DST: variants seen among roughly 807,000 people sequenced by gnomAD.
The protein encoded by DST is bullous pemphigoid antigen.
A neutral mutation model predicts 875.2 loss-of-function variants in DST; 253 were observed. The ratio of observed to expected loss-of-function variants is 0.29; its 90% CI spans 0.26 to 0.32. The LOEUF is 0.32. Ranked by LOEUF, DST falls within the 10% of genes least tolerant of loss-of-function variation. The probability of loss-of-function intolerance (pLI) is 1.00; values close to 1 mark genes in which losing one functional copy is unlikely to be tolerated. For synonymous variants in DST, 3,124 were observed against 3,197.1 expected (o/e 0.98, Z 0.77); for missense variants, 8,287 against 9,111.6 (o/e 0.91, Z 3.68).
At chr6:56,793,068 C>CAAAAAAAAAAAAAAAAAAAAAAAAAAA in intron 4 of DST, among the ~76,000 whole-genome samples, 1 of 42,316 alleles carries the variant, frequency 2.4e-5, no homozygotes, top group Non-Finnish European at 4.8e-5. Context: ...GACCCTGTCT[C>CAAAAAAAAAAAAAAAAAAAAAAAAAAA]AAAAAAAAAA....
intron 37 of DST, among the ~76,000 whole-genome samples, chr6:56,612,305 G>T (rs545487523): frequency 6.6e-6 from 1 of 152,172 alleles, no homozygotes; most frequent in South Asian, 2.1e-4. Flanking sequence ...GGAAAGGGAG[G>T]TTACAGTGAG....
chr6:56,668,763 C>T (rs765394295), intron 10 of DST, among the ~76,000 whole-genome samples: 84 of 151,468 alleles, frequency 5.5e-4, no homozygotes, highest in Non-Finnish European at 8.7e-4. Flanking sequence ...AACAAAATTC[C>T]GTCTCAAAAA....
intron 5 of DST, among the ~76,000 whole-genome samples, chr6:56,712,540 G>T (rs181263427): frequency 6.6e-6 from 1 of 152,298 alleles, no homozygotes; most frequent in East Asian, 1.9e-4. Context: ...GAAGTAGAAT[G>T]CTATTATAAT....
chr6:56,617,757 A>G (rs1208534657), intron 36 of DST, among the ~76,000 whole-genome samples: 1 of 152,224 alleles, frequency 6.6e-6, no homozygotes, highest in Non-Finnish European at 1.5e-5. Context: ...ATATAACAGT[A>G]TATCTATTAC....
chr6:56,721,155 C>T (rs976686705), intron 5 of DST, among the ~76,000 whole-genome samples: 1 of 149,524 alleles, frequency 6.7e-6, no homozygotes, highest in Non-Finnish European at 1.5e-5. Context: ...GCGGCCCCCC[C>T]CACCTCCCAG....
At position 56,606,749 on chromosome 6, in the gene DST, G is replaced by A. The variant is rs2098501885; in HGVS notation, c.7879C>T (p.Leu2627Phe). 1 of 1,613,402 alleles carries A rather than the reference G, an allele frequency of 6.2e-7. No individual in the cohort carries two copies. The highest frequency in any genetic ancestry group is 1.3e-5 in the African/African-American group (1 of 75,012). ...LFEDDDHDSL[L>F]LDGDDRDCLH... Reference sequence around the variant, plus strand: ...CAATCACGATCATCACCATCAAGAAGCAAAGAATCATGGTCATCATCTTCA... The same window carrying A: ...CAATCACGATCATCACCATCAAGAAACAAAGAATCATGGTCATCATCTTCA... Residue 2627 changes from leucine (L) to phenylalanine (F), a missense_variant, in exon 40 of 104, where the codon CTT becomes TTT. This residue lies in a region of DST where 3,138 missense variants were observed against 3,116.6 expected (regional missense o/e 1.01). Transcript: ENST00000680361.
At chr6:56,603,451 C>T (rs2098464279) in intron 41 of DST, 31 bp from the exon 42 acceptor site, 1 of 1,600,466 alleles carries the variant, frequency 6.2e-7, no homozygotes, top group African/African-American at 1.3e-5. Flanking sequence ...GACCTATTTA[C>T]TATTTAGTGA....
At chr6:56,705,603 G>A (rs892498449) in intron 5 of DST, among the ~76,000 whole-genome samples, 3 of 152,120 alleles carry the variant, frequency 2.0e-5, no homozygotes, top group African/African-American at 7.2e-5. Flanking sequence ...AAATGTTTTT[G>A]ATTGATGAAG....
intron 49 of DST, among the ~76,000 whole-genome samples, chr6:56,583,535 A>G (rs1233137764): frequency 1.3e-5 from 2 of 151,938 alleles, no homozygotes; most frequent in African/African-American, 2.4e-5. Context: ...ATTTTCTCCC[A>G]TTTTGTAGGT....
In DST at chr6:56,587,154, A is replaced by G. The variant is rs2098170226; in HGVS notation, c.12903+5028T>C. On this transcript the variant is annotated intron_variant, in intron 49 of 103. Transcript: ENST00000680361. ...TTCAAACCAAAGGCAAAGAAGTTGA[A>G]AACTTTGAAAAAAATTTAGACGAAT... Among the ~76,000 whole-genome samples, 4 of 152,216 alleles carry G rather than the reference A, an allele frequency of 2.6e-5. No individual in the cohort carries two copies. The South Asian group carries it at 8.3e-4, about 32-fold the overall frequency.
At chr6:56,533,909 G>C (rs1341333306) in intron 63 of DST, among the ~76,000 whole-genome samples, 1 of 151,938 alleles carries the variant, frequency 6.6e-6, no homozygotes, top group Non-Finnish European at 1.5e-5. Context: ...AAAAAATTGA[G>C]GGTAAATGTG....
chr6:56,687,963 C>T (rs1246868816), intron 9 of DST, among the ~76,000 whole-genome samples: 1 of 152,118 alleles, frequency 6.6e-6, no homozygotes, highest in Non-Finnish European at 1.5e-5. Flanking sequence ...TTGATAACTA[C>T]TTTGAACAAA....
At chr6:56,930,553 T>C (rs1809640790) in intron 2 of DST, among the ~76,000 whole-genome samples, 1 of 152,236 alleles carries the variant, frequency 6.6e-6, no homozygotes, top group African/African-American at 2.4e-5. Context: ...ATACAGTTCC[T>C]TGCTTTTGCT....
Position 56,533,610 on chromosome 6 carries a change from A to C in DST, c.16942-1100T>G, listed in dbSNP as rs61622654. ...AGCAAGGAGAACTAATTACTTTGAT[A>C]CATTTTAATAATAAAGCTTCTAGCA... On this transcript the variant is annotated intron_variant, in intron 63 of 103. Coordinates refer to ENST00000680361, the MANE Select transcript of DST (RefSeq NM_001374736.1). Among the ~76,000 whole-genome samples the C allele has an allele frequency of 1.5e-3, 125 of 83,386 alleles. 1 individual carries two copies. The highest frequency in any genetic ancestry group is 4.4e-3 in the African/African-American group (123 of 28,008). The allele number at this position is 83,386 out of a possible 152,430, so 54.7% of individuals were successfully genotyped here. A position where few individuals can be genotyped will look rare whatever the true frequency, so the allele number is the denominator to read the frequency against.
At chr6:56,494,749 G>T (rs1231544819) in intron 82 of DST, among the ~76,000 whole-genome samples, 1 of 151,976 alleles carries the variant, frequency 6.6e-6, no homozygotes, top group Admixed American at 6.6e-5. Flanking sequence ...CATTTCTAAA[G>T]CTTCTAACTA....
In DST at chr6:56,608,825, C is replaced by T; in HGVS notation, c.5803G>A (p.Val1935Ile). 1.2e-6 allele frequency: 2 copies of T among 1,611,780 alleles called. No individual in the cohort carries two copies. The highest frequency in any genetic ancestry group is 2.7e-5 in the African/African-American group (2 of 74,996). ...TSEKVSLIDMVQRSTLQENTG... is the reference protein window; with the variant it reads ...TSEKVSLIDMIQRSTLQENTG... ...TTTTCCTGTAAAGTACTTCTTTGTA[C>T]CATATCTATTAAAGAAACCTTCTCA... The change falls in exon 40 of 104, where the codon GTA (valine) becomes ATA (isoleucine). Residue 1935 changes from valine (V) to isoleucine (I), a missense_variant. Coordinates refer to ENST00000680361, the MANE Select transcript of DST (RefSeq NM_001374736.1).
intron 4 of DST, among the ~76,000 whole-genome samples, chr6:56,774,278 T>C (rs2099673475): frequency 6.6e-6 from 1 of 152,152 alleles, no homozygotes; most frequent in African/African-American, 2.4e-5. Context: ...TTATAGTCTC[T>C]ATTGAAATGT....
chr6:56,614,445 C>T lies in DST; in HGVS notation c.4969G>A (p.Ala1657Thr). Residue 1657 changes from alanine to threonine, a missense_variant, in exon 37 of 104, where the codon GCC becomes ACC. By Grantham distance (58) the Ala-to-Thr change is moderately conservative (BLOSUM62 0). This residue lies in a region of DST where 3,138 missense variants were observed against 3,116.6 expected (regional missense o/e 1.01). Coordinates refer to ENST00000680361, the MANE Select transcript of DST (RefSeq NM_001374736.1). ...GATACCCATTTTTGCAATTCTTTGG[C>T]TTTTTCAACATGTTCTTTCTTTTCT... ...EEEKKEHVEK[A>T]KELQKWVSNI... 1 of 1,608,670 alleles carries T rather than the reference C, an allele frequency of 6.2e-7. No individual in the cohort carries two copies. Among genetic ancestry groups the T allele is most frequent in the African/African-American group, 1.3e-5 (1 of 74,822 alleles).
intron 3 of DST, among the ~76,000 whole-genome samples, chr6:56,868,110 T>C (rs1341891474): frequency 6.6e-6 from 1 of 152,222 alleles, no homozygotes; most frequent in Admixed American, 6.5e-5. Flanking sequence ...ATGGGGGGTG[T>C]CAGTTCATTT....
Sources: allele counts gnomAD v4.1 joint callset (sites outside exome capture counted in the v4.1 genomes callset), GRCh38; gene constraint gnomAD v4.1.1; regional missense constraint gnomAD v4.1.1; transcripts MANE v1.5; gene names NCBI Gene and HGNC (gene_info 2026-07-23, HGNC 2026-07-21).